The following NCAM1 variants were observed in gnomAD, a reference collection of about 807,000 sequenced individuals.
The protein encoded by NCAM1 is neural cell adhesion molecule 1.
In NCAM1, 14 loss-of-function variants were observed where a neutral mutation model predicts 109.8. The observed-to-expected ratio is 0.13, with a 90% CI of 0.08 to 0.20. The LOEUF (loss-of-function observed/expected upper bound fraction) is 0.20, where lower values mean the gene tolerates loss of function less well. NCAM1 is among the 10% of genes least tolerant of loss of function. The probability of loss-of-function intolerance (pLI) is 1.00; values close to 1 mark genes in which losing one functional copy is unlikely to be tolerated. For synonymous variants in NCAM1, 418 were observed against 442.9 expected (o/e 0.94, Z 0.70); for missense variants, 774 against 1,109.9 (o/e 0.70, Z 4.30).
At chr11:113,166,771 CA>C (rs373251794) in intron 1 of NCAM1, among the ~76,000 whole-genome samples, 1 of 150,484 alleles carries the variant, frequency 6.6e-6, no homozygotes, top group Non-Finnish European at 1.5e-5. Context: ...CACACACACA[CA>C]AAAAAAAACA....
intron 9 of NCAM1, among the ~76,000 whole-genome samples, chr11:113,228,630 T>C (rs1211282596): frequency 2.0e-5 from 3 of 152,114 alleles, no homozygotes; most frequent in Admixed American, 1.3e-4. Flanking sequence ...ACCAAGTCAA[T>C]CCTAAGCCAA....
rs1555118064 is a variant in NCAM1, at chr11:113,235,271, T to C, written c.1825+107T>C. 7 of 1,603,122 alleles carry C rather than the reference T, an allele frequency of 4.4e-6. No individual in the cohort carries two copies. The South Asian group carries it at 4.4e-5, about 10-fold the overall frequency. ...TCATTGTTCAGACCACAGCTTTTTG[T>C]CTTTCAGATCCCTCTGCTCCTGGAG... is the stretch of plus-strand genomic sequence containing the variant. On this transcript the variant is annotated intron_variant, in intron 14 of 19. Transcript: ENST00000316851.
chr11:113,009,151 C>T (rs928158332), intron 1 of NCAM1, among the ~76,000 whole-genome samples: 8 of 151,954 alleles, frequency 5.3e-5, no homozygotes, highest in African/African-American at 7.3e-5. Context: ...CATCTCAATT[C>T]GTTTTTTTCT....
chr11:113,085,278 T>C (rs1330830815), intron 1 of NCAM1, among the ~76,000 whole-genome samples: 1 of 152,252 alleles, frequency 6.6e-6, no homozygotes, highest in Non-Finnish European at 1.5e-5. Flanking sequence ...AGACCCGTTA[T>C]TGTTTTAGTA....
At chr11:113,153,806 T>A (rs2136291721) in intron 1 of NCAM1, among the ~76,000 whole-genome samples, 1 of 152,354 alleles carries the variant, frequency 6.6e-6, no homozygotes, top group South Asian at 2.1e-4. Context: ...GTTTCTGGAT[T>A]TGAATCCTGG....
intron 1 of NCAM1, among the ~76,000 whole-genome samples, chr11:113,088,315 A>G (rs1279342123): frequency 1.3e-5 from 2 of 152,212 alleles, no homozygotes; most frequent in Non-Finnish European, 2.9e-5. Context: ...GGATTAGAAG[A>G]TGGTAATTCG....
chr11:112,978,349 A>G (rs1951063746), intron 1 of NCAM1, among the ~76,000 whole-genome samples: 2 of 151,818 alleles, frequency 1.3e-5, no homozygotes, highest in Admixed American at 6.6e-5. Context: ...TGATTCGGTT[A>G]ATGCCTGGAA....
At chr11:113,014,814 G>A (rs1349693075) in intron 1 of NCAM1, among the ~76,000 whole-genome samples, 2 of 152,210 alleles carry the variant, frequency 1.3e-5, no homozygotes, top group South Asian at 4.1e-4. Context: ...ATAAGCTCAC[G>A]CAAATCTGAG....
intron 14 of NCAM1, 167 bp downstream of exon 14, chr11:113,235,331 G>A: frequency 1.5e-6 from 2 of 1,378,420 alleles, no homozygotes; most frequent in Non-Finnish European, 2.0e-6. Flanking sequence ...CTCAGTGACA[G>A]CTAACACACA....
chr11:112,969,846 C>G (rs1950827727), intron 1 of NCAM1, among the ~76,000 whole-genome samples: 2 of 152,108 alleles, frequency 1.3e-5, no homozygotes, highest in Non-Finnish European at 2.9e-5. Context: ...AGAGGAAGCA[C>G]TTTTGCTTAG....
intron 15 of NCAM1, among the ~76,000 whole-genome samples, chr11:113,250,014 G>GTA (rs1339292205): frequency 2.0e-5 from 3 of 152,148 alleles, no homozygotes; most frequent in Non-Finnish European, 4.4e-5. Context: ...CACTCATTGT[G>GTA]TATCCCGAGG....
chr11:113,196,253 A>G (rs981728559), intron 1 of NCAM1, among the ~76,000 whole-genome samples: 1 of 152,182 alleles, frequency 6.6e-6, no homozygotes, highest in Non-Finnish European at 1.5e-5. Context: ...TTTACAGACA[A>G]GAAAACTGAG....
intron 1 of NCAM1, among the ~76,000 whole-genome samples, chr11:113,045,699 CT>C (rs1409413996): frequency 2.0e-5 from 3 of 152,190 alleles, no homozygotes; most frequent in African/African-American, 7.2e-5. Flanking sequence ...TGCTTTTCCC[CT>C]GATGATGGAT....
intron 1 of NCAM1, among the ~76,000 whole-genome samples, chr11:113,146,982 C>T (rs1157284849): frequency 5.9e-5 from 9 of 152,026 alleles, no homozygotes; most frequent in East Asian, 3.9e-4. Context: ...CAGGAATGGG[C>T]GTGCCTCTTT....
At chr11:113,114,931 A>G (rs1445280606) in intron 1 of NCAM1, among the ~76,000 whole-genome samples, 10 of 152,208 alleles carry the variant, frequency 6.6e-5, no homozygotes, top group South Asian at 2.1e-4. Flanking sequence ...AAAATAAAGG[A>G]AGTCTTACTC....
At chr11:113,264,092 A>G (rs782167764) in intron 17 of NCAM1, 11 of 985,196 alleles carry the variant, frequency 1.1e-5, no homozygotes, top group African/African-American at 3.5e-5. Context: ...CTGCTTGGTA[A>G]TATCAGTGTG....
At chr11:113,235,312 T>C (rs782362741) in intron 14 of NCAM1, 148 bp downstream of exon 14, 2 of 1,507,986 alleles carry the variant, frequency 1.3e-6, no homozygotes, top group Non-Finnish European at 1.8e-6. Context: ...ACCTCCTAGT[T>C]CTCTGGTTCT....
At chr11:113,072,767 C>G (rs1555085499) in intron 1 of NCAM1, among the ~76,000 whole-genome samples, 1 of 144,768 alleles carries the variant, frequency 6.9e-6, no homozygotes, top group African/African-American at 2.6e-5. Context: ...AGTAAACTTT[C>G]TTACATAGAT....
intron 1 of NCAM1, among the ~76,000 whole-genome samples, chr11:112,997,621 A>G (rs768574714): frequency 6.6e-6 from 1 of 152,126 alleles, no homozygotes; most frequent in Non-Finnish European, 1.5e-5. Context: ...ACACGTTACC[A>G]TATGTAGCCC....
Sources: allele counts gnomAD v4.1 joint callset (sites outside exome capture counted in the v4.1 genomes callset), GRCh38; gene constraint gnomAD v4.1.1; transcripts MANE v1.5; gene names NCBI Gene and HGNC (gene_info 2026-07-23, HGNC 2026-07-21).